PLCG1: variants seen among roughly 807,000 people sequenced by gnomAD.
PLCG1 encodes phospholipase C gamma 1.
In PLCG1, 71 loss-of-function variants were observed where a neutral mutation model predicts 177.8. That is an observed-to-expected ratio of 0.40 (90% CI 0.33 to 0.49). The LOEUF is 0.49. PLCG1 is among the 20% of genes least tolerant of loss of function. The pLI is 0.72. For synonymous variants in PLCG1, 658 were observed against 647.9 expected (o/e 1.02, Z -0.24); for missense variants, 1,281 against 1,709.0 (o/e 0.75, Z 4.42).
rs2034938252 is a variant in PLCG1, at chr20:41,144,555, A to C, written c.217+6697A>C. 6.6e-6 allele frequency among the ~76,000 whole-genome samples: 1 copy of C among 152,184 alleles called. No homozygotes were observed. The highest frequency in any genetic ancestry group is 1.5e-5 in the Non-Finnish European group (1 of 68,036). Reference sequence around the variant, plus strand: ...GCCGCTGATTGGGGGTGGGACACAGAAGAGCCTCACCCTCTTGACTTTCTG... The same window carrying C: ...GCCGCTGATTGGGGGTGGGACACAGCAGAGCCTCACCCTCTTGACTTTCTG... On this transcript the variant is annotated intron_variant, in intron 1 of 31. Transcript: ENST00000685551. The surrounding 1 kb of genome is among the most constrained non-coding windows in gnomAD (Gnocchi z 4.1).
intron 23 of PLCG1, 76 bp from the exon 24 acceptor site, chr20:41,170,036 C>T (rs2035841347): frequency 6.8e-6 from 9 of 1,324,860 alleles, no homozygotes; most frequent in African/African-American, 1.5e-5. Context: ...TCATTTGAGC[C>T]AGTGCCTGCG....
rs761873798 is a variant in PLCG1 at position 41,170,118 on chromosome 20, G to A, written c.2657G>A (p.Arg886His). 28 of 1,611,698 alleles carry A rather than the reference G, an allele frequency of 1.7e-5. No homozygotes were observed. The South Asian group carries it at 2.3e-4, about 13-fold the overall frequency. The change falls in exon 24 of 32, where the codon CGT becomes CAT. Residue 886 changes from arginine (R) to histidine (H), a missense_variant. By Grantham distance (29) the Arg-to-His change is conservative. This residue lies in a region of PLCG1 where 723 missense variants were observed against 1,030.0 expected (regional missense o/e 0.70). Transcript: ENST00000685551. ...LDVPACQIAI[R>H]PEGKNNRLFV... The stretch of plus-strand genomic sequence containing the variant: ...TCTGCTCTCGCCCTCCCAGCCATCC[G>A]TCCTGAGGGCAAGAACAACCGGCTC...
At position 41,174,308 on chromosome 20, in the gene PLCG1, G is replaced by A. The variant is rs764642255; in HGVS notation, c.3830G>A (p.Arg1277Gln). 9.9e-6 allele frequency: 16 copies of A among 1,612,906 alleles called. No homozygotes were observed. Among genetic ancestry groups the A allele is most frequent in the South Asian group, 3.3e-5 (3 of 91,078 alleles). Residue 1277 changes from arginine to glutamine, a missense_variant, in exon 31 of 32, where the codon CGA becomes CAA. Transcript: ENST00000685551. The surrounding 1 kb of genome is among the most constrained non-coding windows in gnomAD (Gnocchi z 5.8). ...HLADHFDSRERRAPRRTRVNG... is the reference protein window; with the variant it reads ...HLADHFDSREQRAPRRTRVNG... ...GCAGACCATTTTGACAGTCGAGAAC[G>A]AAGGTGAGGAAGATGGAGGGGTGCT...
At chr20:41,169,584 ATC>A (rs1420745970) in intron 23 of PLCG1, 58 bp downstream of exon 23, 14 of 1,329,138 alleles carry the variant, frequency 1.1e-5, no homozygotes, top group Admixed American at 3.4e-5. Flanking sequence ...TCTTCTTTGT[ATC>A]TCTTTCCTGC....
In PLCG1 at chr20:41,168,666, G is replaced by C. The variant is rs1009463957; in HGVS notation, c.2380-101G>C. 46 of 715,422 alleles carry C rather than the reference G, an allele frequency of 6.4e-5. No individual in the cohort carries two copies. In the East Asian group the frequency reaches 1.1e-3, roughly 18 times the overall value. The allele number at this position is 715,422 out of a possible 1,614,324, so 44.3% of individuals were successfully genotyped here. ...GTCATCTCCCACTGGCCTGACCCCAGGCAGGGAAGCCCAAGCACATGTGTG... is the reference window on the plus strand; with the variant it reads ...GTCATCTCCCACTGGCCTGACCCCACGCAGGGAAGCCCAAGCACATGTGTG... On this transcript the variant is annotated intron_variant, in intron 20 of 31. Transcript: ENST00000685551.
intron 1 of PLCG1, among the ~76,000 whole-genome samples, chr20:41,152,074 T>C (rs552537691): frequency 2.3e-4 from 35 of 151,420 alleles, no homozygotes; most frequent in African/African-American, 7.1e-4. Context: ...GGAGAAGGCT[T>C]AGCTCCATTA....
chr20:41,156,148 C>T lies in PLCG1; in HGVS notation c.218-3458C>T, dbSNP rs1474655185. On this transcript the variant is annotated intron_variant, in intron 1 of 31. Coordinates refer to ENST00000685551, the MANE Select transcript of PLCG1 (RefSeq NM_002660.3). The surrounding 1 kb of genome is among the most constrained non-coding windows in gnomAD (Gnocchi z 5.0). Reference sequence around the variant, plus strand: ...TGTGTGGTCCCTCATTACTTCAGAGCCCCTTAAGAAAGACTGAATCTATTT... The same window carrying T: ...TGTGTGGTCCCTCATTACTTCAGAGTCCCTTAAGAAAGACTGAATCTATTT... Among the ~76,000 whole-genome samples, 2 of 152,200 alleles carry T rather than the reference C, an allele frequency of 1.3e-5. No homozygotes were observed. Among genetic ancestry groups the T allele is most frequent in the African/African-American group, 4.8e-5 (2 of 41,456 alleles).
Position 41,174,891 on chromosome 20 carries a change from G to GCCT in PLCG1, c.*382_*383insCCT, listed in dbSNP as rs2036015992. The GCCT allele has an allele frequency of 9.4e-6, 2 of 213,484 alleles. No individual in the cohort carries two copies. The highest frequency in any genetic ancestry group is 1.7e-4 in the South Asian group (2 of 11,760). The allele number at this position is 213,484 out of a possible 1,614,324, so 13.2% of individuals were successfully genotyped here. A position where few individuals can be genotyped will look rare whatever the true frequency, so the allele number is the denominator to read the frequency against. On this transcript the variant is annotated 3_prime_UTR_variant, in exon 32 of 32. Transcript: ENST00000685551. The surrounding 1 kb of genome is among the most constrained non-coding windows in gnomAD (Gnocchi z 5.8). ...AGCTACTGACATTCCTAAGAGTGGA[G>GCCT]GAGGAGGAGGAGCCTTGCTGGGCCA...
intron 1 of PLCG1, among the ~76,000 whole-genome samples, chr20:41,155,666 T>C (rs1258473593): frequency 2.6e-5 from 4 of 152,136 alleles, no homozygotes; most frequent in African/African-American, 9.7e-5. Context: ...TTCACCCAAG[T>C]TTGGGTTTGC....
chr20:41,138,870 G>A (rs1460292559), intron 1 of PLCG1, among the ~76,000 whole-genome samples: 1 of 152,106 alleles, frequency 6.6e-6, no homozygotes, highest in Non-Finnish European at 1.5e-5. Flanking sequence ...TGCTGTGGTC[G>A]GATGGGCACT....
rs1422675604 is a variant in PLCG1, at chr20:41,174,591, CCT to C, written c.*83_*84del. On this transcript the variant is annotated 3_prime_UTR_variant, in exon 32 of 32. Coordinates refer to ENST00000685551, the MANE Select transcript of PLCG1 (RefSeq NM_002660.3). The surrounding 1 kb of genome is among the most constrained non-coding windows in gnomAD (Gnocchi z 5.8). ...GAACTGGGTTCTTTGGAAGCAGCCC[CCT>C]GTGGCGGCCTTCCGGGTCTCGCAGC... 7.6e-5 allele frequency: 94 copies of C among 1,238,288 alleles called. No individual in the cohort carries two copies. In the African/African-American group the frequency reaches 1.2e-3, roughly 16 times the overall value. 76.7% of individuals were successfully genotyped at this position (1,238,288 alleles called of 1,614,324 possible).
Position 41,172,543 on chromosome 20 carries a change from C to T in PLCG1, c.3028C>T (p.Arg1010Cys). 1 of 1,614,134 alleles carries T rather than the reference C, an allele frequency of 6.2e-7. No homozygotes were observed. Among genetic ancestry groups the T allele is most frequent in the Non-Finnish European group, 8.5e-7 (1 of 1,179,978 alleles). Residue 1010 changes from arginine (R) to cysteine (C), a missense_variant, in exon 26 of 32, where the codon CGC (arginine) becomes TGC (cysteine). By Grantham distance (180) the Arg-to-Cys change is radical. This residue lies in a region of PLCG1 where 723 missense variants were observed against 1,030.0 expected (regional missense o/e 0.70). Coordinates refer to ENST00000685551, the MANE Select transcript of PLCG1 (RefSeq NM_002660.3). The surrounding 1 kb of genome is among the most constrained non-coding windows in gnomAD (Gnocchi z 7.0). ...FLQYNRLQLS[R>C]IYPKGQRLDS... ...TCAGTACAATCGACTGCAGCTCTCC[C>T]GCATCTACCCCAAGGGCCAGCGACT... is the stretch of plus-strand genomic sequence containing the variant.
At position 41,140,037 on chromosome 20, in the gene PLCG1, C is replaced by T. The variant is rs565175018; in HGVS notation, c.217+2179C>T. Among the ~76,000 whole-genome samples the T allele has an allele frequency of 2.0e-5, 3 of 152,264 alleles. No individual in the cohort carries two copies. In the East Asian group the frequency reaches 5.8e-4, roughly 29 times the overall value. Reference sequence around the variant, plus strand: ...GGGGTGCAGAGAGGGGATGATTTATCATGCCTCATGTATTTGGGGGATGGA... The same window carrying T: ...GGGGTGCAGAGAGGGGATGATTTATTATGCCTCATGTATTTGGGGGATGGA... On this transcript the variant is annotated intron_variant, in intron 1 of 31. Coordinates refer to ENST00000685551, the MANE Select transcript of PLCG1 (RefSeq NM_002660.3).
Position 41,174,153 on chromosome 20 carries a change from T to C in PLCG1, c.3675T>C (p.Ser1225=). 1 of 1,614,060 alleles carries C rather than the reference T, an allele frequency of 6.2e-7. No homozygotes were observed. Among genetic ancestry groups the C allele is most frequent in the Non-Finnish European group, 8.5e-7 (1 of 1,179,952 alleles). The change falls in exon 31 of 32, where the codon AGT becomes AGC. Residue 1225 remains serine, a synonymous_variant. Coordinates refer to ENST00000685551, the MANE Select transcript of PLCG1 (RefSeq NM_002660.3). This position sits in a 1 kb window ranked among gnomAD's most constrained non-coding sequence, Gnocchi z 5.8. ...AGAATGGTGACCTCAGTCCCTTCAG[T>C]GGTACGTCCCTGCGGGAGCGGGGCT... is the stretch of plus-strand genomic sequence containing the variant. ...KQENGDLSPF[S]GTSLRERGSD...
chr20:41,175,141 A>G lies in PLCG1; in HGVS notation c.*632A>G, dbSNP rs1176587712. The G allele has an allele frequency of 6.5e-6, 1 of 152,828 alleles. No individual in the cohort carries two copies. Among genetic ancestry groups the G allele is most frequent in the African/African-American group, 2.4e-5 (1 of 41,454 alleles). 9.5% of individuals were successfully genotyped at this position (152,828 alleles called of 1,614,324 possible). On this transcript the variant is annotated 3_prime_UTR_variant, in exon 32 of 32. Coordinates refer to ENST00000685551, the MANE Select transcript of PLCG1 (RefSeq NM_002660.3). ...AGATACAGGGGATCATGTTAAAAATAGCAGTATTATTTTTCGTCTCAATGG... is the reference window on the plus strand; with the variant it reads ...AGATACAGGGGATCATGTTAAAAATGGCAGTATTATTTTTCGTCTCAATGG...
Position 41,166,460 on chromosome 20 carries a change from C to T in PLCG1, c.2001-16C>T. On this transcript the variant is annotated splice_polypyrimidine_tract_variant and intron_variant, in intron 17 of 31. Transcript: ENST00000685551. The surrounding 1 kb of genome is among the most constrained non-coding windows in gnomAD (Gnocchi z 8.6). ...CATGGGTGGTGCTGGCCGGGCCTGA[C>T]TCTGCCTGTTCTCAGGTGGTACCAC... is the stretch of plus-strand genomic sequence containing the variant. 1.2e-6 allele frequency: 2 copies of T among 1,613,946 alleles called. No homozygotes were observed. Among genetic ancestry groups the T allele is most frequent in the Non-Finnish European group, 1.7e-6 (2 of 1,179,998 alleles).
chr20:41,165,516 G>T lies in PLCG1; in HGVS notation c.1576G>T (p.Asp526Tyr). Reference sequence around the variant, plus strand: ...CTACTACTCTGAGGAGACCAGCAGTGACCAGGGCAACGAGGATGAGGAGGA... The same window carrying T: ...CTACTACTCTGAGGAGACCAGCAGTTACCAGGGCAACGAGGATGAGGAGGA... ...KIYYSEETSS[D>Y]QGNEDEEEPK... The change falls in exon 15 of 32, where the codon GAC (aspartate) becomes TAC (tyrosine). Residue 526 changes from aspartate to tyrosine, a missense_variant. This residue lies in a region of PLCG1 where 723 missense variants were observed against 1,030.0 expected (regional missense o/e 0.70). Transcript: ENST00000685551. The surrounding 1 kb of genome is among the most constrained non-coding windows in gnomAD (Gnocchi z 6.6). 1 of 1,613,990 alleles carries T rather than the reference G, an allele frequency of 6.2e-7. No homozygotes were observed. The highest frequency in any genetic ancestry group is 1.1e-5 in the South Asian group (1 of 91,024).
rs1568755543 is a variant in PLCG1, at chr20:41,170,158, C to T, written c.2697C>T (p.Ile899=). The T allele has an allele frequency of 6.2e-7, 1 of 1,614,028 alleles. No individual in the cohort carries two copies. Among genetic ancestry groups the T allele is most frequent in the East Asian group, 2.2e-5 (1 of 44,878 alleles). The change falls in exon 24 of 32, where the codon ATC becomes ATT. Residue 899 remains isoleucine, a synonymous_variant. Transcript: ENST00000685551. ...GKNNRLFVFS[I]SMASVAHWSL... is the part of the protein sequence containing the mutation. ...ACAACCGGCTCTTCGTCTTCTCCATCAGCATGGCGTCGGTGGCCCACTGGT... is the reference window on the plus strand; with the variant it reads ...ACAACCGGCTCTTCGTCTTCTCCATTAGCATGGCGTCGGTGGCCCACTGGT...
chr20:41,155,970 A>G (rs753525723), intron 1 of PLCG1, among the ~76,000 whole-genome samples: 12 of 152,180 alleles, frequency 7.9e-5, no homozygotes, highest in Non-Finnish European at 1.8e-4. Context: ...GGTCAGGGAA[A>G]GCTTCTTGAA....
Sources: allele counts gnomAD v4.1 joint callset (sites outside exome capture counted in the v4.1 genomes callset), GRCh38; gene constraint gnomAD v4.1.1; regional missense constraint gnomAD v4.1.1; non-coding constraint Gnocchi (gnomAD v3.1); transcripts MANE v1.5; gene names NCBI Gene and HGNC (gene_info 2026-07-23, HGNC 2026-07-21).